DENND2C: variants seen among roughly 807,000 people sequenced by gnomAD.
DENND2C encodes the protein DENN domain-containing protein 2C.
A neutral mutation model predicts 112.4 loss-of-function variants in DENND2C; 72 were observed. The ratio of observed to expected loss-of-function variants is 0.64; its 90% CI spans 0.53 to 0.78. The LOEUF is 0.78. Among genes scored for constraint, DENND2C ranks in the 30% least tolerant of loss-of-function variants. The pLI is 0.00. For synonymous variants in DENND2C, 329 were observed against 381.6 expected (o/e 0.86, Z 1.61); for missense variants, 992 against 1,113.8 (o/e 0.89, Z 1.56).
chr1:114,657,285 C>A (rs1657360610), intron 1 of DENND2C, among the ~76,000 whole-genome samples: 1 of 151,974 alleles, frequency 6.6e-6, no homozygotes, highest in Admixed American at 6.6e-5. Flanking sequence ...CTTATCGTAC[C>A]ATATTTATTT....
intron 8 of DENND2C, among the ~76,000 whole-genome samples, chr1:114,616,397 GA>G (rs879864808): frequency 7.4e-4 from 88 of 119,398 alleles, no homozygotes; most frequent in African/African-American, 1.7e-3. Flanking sequence ...GTATCCAAAA[GA>G]AAAAAAAAAA....
rs762861335 is a variant in DENND2C at position 114,621,931 on chromosome 1, A to C, written c.1191T>G (p.Gly397=). ...TLTEWKLFRA[G]EVANTKRKNL... is the part of the protein sequence containing the mutation. ...TTTTCCTTTTCGTGTTTGCAACTTC[A>C]CCAGCTCGGAAAAGCTTCCATTCCG... The change falls in exon 7 of 21, where the codon GGT becomes GGG. Residue 397 remains glycine, a synonymous_variant. Transcript: ENST00000393274. 60 of 1,550,528 alleles carry C rather than the reference A, an allele frequency of 3.9e-5. No individual in the cohort carries two copies. Among genetic ancestry groups the C allele is most frequent in the Non-Finnish European group, 8.7e-7 (1 of 1,147,016 alleles).
chr1:114,657,635 G>A (rs1377744533), intron 1 of DENND2C, among the ~76,000 whole-genome samples: 1 of 152,230 alleles, frequency 6.6e-6, no homozygotes, highest in South Asian at 2.1e-4. Context: ...ACTTGGACAA[G>A]AGCAGGTTCA....
chr1:114,642,514 T>C (rs537531139), intron 3 of DENND2C, among the ~76,000 whole-genome samples: 1 of 152,352 alleles, frequency 6.6e-6, no homozygotes, highest in South Asian at 2.1e-4. Context: ...TTAACCCTTC[T>C]AAGCTTGTTT....
At chr1:114,648,088 G>C (rs949490147) in intron 2 of DENND2C, among the ~76,000 whole-genome samples, 3 of 152,206 alleles carry the variant, frequency 2.0e-5, no homozygotes, top group Non-Finnish European at 2.9e-5. Flanking sequence ...GATTACAGGC[G>C]TGAGTCACCG....
chr1:114,609,843 G>A (rs890168250), intron 9 of DENND2C, among the ~76,000 whole-genome samples: 2 of 152,326 alleles, frequency 1.3e-5, no homozygotes, highest in Non-Finnish European at 2.9e-5. Flanking sequence ...GAATTATCCA[G>A]TACATTCAGT....
intron 1 of DENND2C, among the ~76,000 whole-genome samples, chr1:114,668,791 TG>T (rs531615107): frequency 5.9e-4 from 90 of 152,358 alleles, no homozygotes; most frequent in Non-Finnish European, 9.7e-4. Flanking sequence ...AACAATATTT[TG>T]GAAGATTTAA....
intron 18 of DENND2C, among the ~76,000 whole-genome samples, chr1:114,589,160 C>G (rs1655118893): frequency 6.6e-6 from 1 of 152,146 alleles, no homozygotes. Context: ...AGGTCCCAGG[C>G]TCAAACTTCA....
At position 114,583,807 on chromosome 1, in the gene DENND2C, CAAAA is replaced by C. The variant is rs71090794; in HGVS notation, c.*1789_*1792del. On this transcript the variant is annotated 3_prime_UTR_variant, in exon 21 of 21. Transcript: ENST00000393274. ...GGGCAAAAAGAGCGAAACTCCATCT[CAAAA>C]AAAAAAAAAAAAAACCGAAACAAAA... 4.7e-5 allele frequency: 4 copies of C among 85,978 alleles called. No homozygotes were observed. Among genetic ancestry groups the C allele is most frequent in the East Asian group, 4.9e-4 (1 of 2,046 alleles). 5.3% of individuals were successfully genotyped at this position (85,978 alleles called of 1,614,324 possible).
intron 1 of DENND2C, among the ~76,000 whole-genome samples, chr1:114,657,312 CCAT>C (rs766508725): frequency 2.0e-5 from 3 of 151,918 alleles, no homozygotes; most frequent in African/African-American, 4.8e-5. Context: ...TATTACTGTA[CCAT>C]CATATTTTAT....
At chr1:114,593,702 G>A (rs920940891) in intron 18 of DENND2C, among the ~76,000 whole-genome samples, 1 of 152,134 alleles carries the variant, frequency 6.6e-6, no homozygotes, top group African/African-American at 2.4e-5. Context: ...GAGCCCAGGA[G>A]GTTGAGGCTG....
chr1:114,647,602 G>A (rs1256558700), intron 2 of DENND2C, among the ~76,000 whole-genome samples: 1 of 152,136 alleles, frequency 6.6e-6, no homozygotes, highest in East Asian at 1.9e-4. Context: ...TGTATTTTTA[G>A]TAGAGACGGG....
intron 16 of DENND2C, among the ~76,000 whole-genome samples, chr1:114,597,692 A>G (rs1655382934): frequency 6.6e-6 from 1 of 152,066 alleles, no homozygotes; most frequent in South Asian, 2.1e-4. Flanking sequence ...CTGAGGCACG[A>G]TAATTGCTTG....
At chr1:114,587,985 A>T in intron 18 of DENND2C, 33 bp from the exon 19 acceptor site, 1 of 1,587,294 alleles carries the variant, frequency 6.3e-7, no homozygotes, top group South Asian at 1.1e-5. Flanking sequence ...AAAAGAAAAA[A>T]ATCTCCTCAG....
chr1:114,668,554 C>CAT (rs3220698), intron 1 of DENND2C, among the ~76,000 whole-genome samples: 1 of 147,726 alleles, frequency 6.8e-6, no homozygotes, highest in South Asian at 2.1e-4. Context: ...CACACACACA[C>CAT]CCCAACTAAT....
Position 114,625,605 on chromosome 1 carries a change from C to T in DENND2C, c.380G>A (p.Cys127Tyr), listed in dbSNP as rs143842563. Residue 127 changes from cysteine to tyrosine, a missense_variant, in exon 4 of 21, where the codon TGT becomes TAT. By Grantham distance (194) the Cys-to-Tyr change is radical. Coordinates refer to ENST00000393274, the MANE Select transcript of DENND2C (RefSeq NM_001256404.2). ...VCSRVKEIES[C>Y]KEDVLDPETS... ...CTCTGGATCTAAGACATCTTCTTTA[C>T]AGCTTTCAATTTCTTTGACCCGAGA... is the stretch of plus-strand genomic sequence containing the variant. The T allele has an allele frequency of 6.7e-4, 1,083 of 1,614,128 alleles. 8 individuals are homozygous for T. In the African/African-American group the frequency reaches 0.013, roughly 19 times the overall value.
rs552046459 is a variant in DENND2C, at chr1:114,605,605, AACATGGT to A, written c.1558-581_1558-575del. Among the ~76,000 whole-genome samples, 125 of 152,324 alleles carry A rather than the reference AACATGGT, an allele frequency of 8.2e-4. 4 individuals are homozygous for A. In the South Asian group the frequency reaches 0.024, roughly 30 times the overall value. ...CCAGGAGTTGGAGACCAGCCTGGGC[AACATGGT>A]GAAACCCCATCTCTACAAAAAATAG... On this transcript the variant is annotated intron_variant, in intron 10 of 20. Coordinates refer to ENST00000393274, the MANE Select transcript of DENND2C (RefSeq NM_001256404.2).
At chr1:114,588,033 G>T in intron 18 of DENND2C, 81 bp from the exon 19 acceptor site, 1 of 1,212,422 alleles carries the variant, frequency 8.2e-7, no homozygotes, top group Non-Finnish European at 1.2e-6. Context: ...GGTTATGGAA[G>T]TCGTGCCTAA....
At chr1:114,610,469 GGC>G (rs879907316) in intron 9 of DENND2C, among the ~76,000 whole-genome samples, 7,879 of 152,304 alleles carry the variant, frequency 0.052, 225 homozygotes, top group South Asian at 0.084. Context: ...GGGAGGCCAA[GGC>G]AGGCAGATCA....
Sources: gnomAD v4.1 joint callset for allele counts (sites outside exome capture counted in the v4.1 genomes callset) on GRCh38, gnomAD v4.1.1 for gene constraint, MANE v1.5 for transcripts, NCBI Gene and HGNC (gene_info 2026-07-23, HGNC 2026-07-21) for gene names.